Variants in ATP5MC3 observed in about 807,000 individuals in gnomAD.
ATP5MC3 encodes the protein ATP synthase F(0) complex subunit C3, mitochondrial.
Under a neutral mutation model 15.6 loss-of-function variants are expected in ATP5MC3, and 6 were observed. The ratio of observed to expected loss-of-function variants is 0.38; its 90% confidence interval spans 0.21 to 0.76. ATP5MC3 has a LOEUF of 0.76. ATP5MC3 is among the 30% of genes least tolerant of loss of function. The probability of loss-of-function intolerance (pLI) is 0.44; values close to 1 mark genes in which losing one functional copy is unlikely to be tolerated. For missense variants in ATP5MC3, 132 were observed against 171.2 expected (o/e 0.77, Z 1.28); for synonymous variants, 66 against 63.3 (o/e 1.04, Z -0.20).
rs201787994 is a variant in ATP5MC3 at position 175,180,035 on chromosome 2, C to T, written c.120+63G>A. The T allele has an allele frequency of 9.7e-6, 13 of 1,343,656 alleles. No individual in the cohort carries two copies. The East Asian group carries it at 3.0e-4, about 31-fold the overall frequency. 83.2% of individuals were successfully genotyped at this position (1,343,656 alleles called of 1,614,324 possible). ...TTATTAATAAAGTTTTTTTCCTTCA[C>T]TCTAATCAAAACCCTACCCTTATTT... On this transcript the variant is annotated intron_variant, in intron 3 of 4. Coordinates refer to ENST00000284727, the MANE Select transcript of ATP5MC3 (RefSeq NM_001689.5).
At position 175,181,339 on chromosome 2, in the gene ATP5MC3, T is replaced by C. The variant is rs746985380; in HGVS notation, c.39+16A>G. ...GCCCACCCCTCAATCCCCCCGACCC[T>C]GCCTGGGCTACGCACCAGAGAGGGG... On this transcript the variant is annotated intron_variant, in intron 2 of 4. Transcript: ENST00000284727. 6.2e-7 allele frequency: 1 copy of C among 1,612,746 alleles called. No individual in the cohort carries two copies. The highest frequency in any genetic ancestry group is 1.1e-5 in the South Asian group (1 of 90,560).
Position 175,179,248 on chromosome 2 carries a change from G to A in ATP5MC3, c.123C>T (p.Gly41=), listed in dbSNP as rs756463478. 6.2e-7 allele frequency: 1 copy of A among 1,603,514 alleles called. No individual in the cohort carries two copies. The highest frequency in any genetic ancestry group is 1.3e-5 in the African/African-American group (1 of 74,792). ...TCTGGGCCCCATTAAATACCGTAGA[G>A]CCCTGGAAAACAGAAAATAAAGGTA... ...SRPEASRTGE[G]STVFNGAQNG... The change falls in exon 4 of 5, where the codon GGC becomes GGT. Residue 41 remains glycine (G), a splice_region_variant and synonymous_variant. Transcript: ENST00000284727.
intron 2 of ATP5MC3, 75 bp downstream of exon 2, chr2:175,181,280 C>A: frequency 1.3e-6 from 2 of 1,545,786 alleles, no homozygotes; most frequent in Non-Finnish European, 1.8e-6. Context: ...CGAAGGTTGC[C>A]CCATTCAACA....
At position 175,176,360 on chromosome 2, in the gene ATP5MC3, T is replaced by A. The variant is rs1304613172; in HGVS notation, c.*1928A>T. ...AAAATTTTATACTATGTACTTTGTA[T>A]TAAATAGTAGTTTCAGTAAGACATG... On this transcript the variant is annotated 3_prime_UTR_variant, in exon 5 of 5. Coordinates refer to ENST00000284727, the MANE Select transcript of ATP5MC3 (RefSeq NM_001689.5). 2.4e-4 allele frequency: 1 copy of A among 4,182 alleles called. No individual in the cohort carries two copies. Among genetic ancestry groups the A allele is most frequent in the East Asian group, 0.019 (1 of 52 alleles). 0.3% of individuals were successfully genotyped at this position (4,182 alleles called of 1,614,324 possible).
rs1014807218 is a variant in ATP5MC3 at position 175,177,871 on chromosome 2, A to G, written c.*417T>C. On this transcript the variant is annotated 3_prime_UTR_variant, in exon 5 of 5. Transcript: ENST00000284727. ...ACTGATGTTAGACCTTAAAAACTCAAGACCATCTTGAGTATTAACTACCTT... is the reference window on the plus strand; with the variant it reads ...ACTGATGTTAGACCTTAAAAACTCAGGACCATCTTGAGTATTAACTACCTT... 2 of 152,812 alleles carry G rather than the reference A, an allele frequency of 1.3e-5. No individual in the cohort carries two copies. Among genetic ancestry groups the G allele is most frequent in the African/African-American group, 4.8e-5 (2 of 41,466 alleles). 9.5% of individuals were successfully genotyped at this position (152,812 alleles called of 1,614,324 possible).
In ATP5MC3 at chr2:175,178,121, G is replaced by C; in HGVS notation, c.*167C>G. The C allele has an allele frequency of 6.9e-6, 9 of 1,304,438 alleles. No individual in the cohort carries two copies. Among genetic ancestry groups the C allele is most frequent in the Non-Finnish European group, 8.0e-6 (8 of 996,900 alleles). The allele number at this position is 1,304,438 out of a possible 1,614,324, so 80.8% of individuals were successfully genotyped here. On this transcript the variant is annotated 3_prime_UTR_variant, in exon 5 of 5. Coordinates refer to ENST00000284727, the MANE Select transcript of ATP5MC3 (RefSeq NM_001689.5). ...TTCTTTGTGATAATCTAAACTTAGT[G>C]TAAGTACAAATCACAGAAGAAATTA...
intron 3 of ATP5MC3, 31 bp downstream of exon 3, chr2:175,180,067 G>T: frequency 6.6e-7 from 1 of 1,507,370 alleles, no homozygotes; most frequent in South Asian, 1.2e-5. Context: ...ATTTGGTAGT[G>T]TTACCTAATT....
At chr2:175,181,507 G>A (rs1343246026) in intron 1 of ATP5MC3, 41 bp from the exon 2 acceptor site, 7 of 1,336,548 alleles carry the variant, frequency 5.2e-6, no homozygotes, top group Middle Eastern at 2.3e-4. Context: ...GCCCTCCAGG[G>A]GCCTGTTCTT....
rs1700722080 is a variant in ATP5MC3, at chr2:175,178,533, G to T, written c.315-131C>A. 5 of 1,432,342 alleles carry T rather than the reference G, an allele frequency of 3.5e-6. No homozygotes were observed. The African/African-American group carries it at 5.8e-5, about 17-fold the overall frequency. 88.7% of individuals were successfully genotyped at this position (1,432,342 alleles called of 1,614,324 possible). A position where few individuals can be genotyped will look rare whatever the true frequency, so the allele number is the denominator to read the frequency against. ...AGTCTGCTGGAAGAGTATTTGCCTA[G>T]ATCTCTCTTACACTATTCTCCTTCA... On this transcript the variant is annotated intron_variant, in intron 4 of 4. Coordinates refer to ENST00000284727, the MANE Select transcript of ATP5MC3 (RefSeq NM_001689.5).
rs1383907925 is a variant in ATP5MC3, at chr2:175,181,370, G to A, written c.24C>T (p.Ala8=). MFACAKL[A]CTPSLIRAGS... ...GGCTACGCACCAGAGAGGGGGTGCA[G>A]GCGAGCTTGGCGCAGGCGAACATCT... Residue 8 remains alanine, a synonymous_variant, in exon 2 of 5, where the codon GCC becomes GCT. Transcript: ENST00000284727. 5.0e-6 allele frequency: 8 copies of A among 1,613,800 alleles called. No individual in the cohort carries two copies. The highest frequency in any genetic ancestry group is 4.5e-5 in the East Asian group (2 of 44,878).
In ATP5MC3 at chr2:175,180,124, G is replaced by C; in HGVS notation, c.94C>G (p.Arg32Gly). Residue 32 changes from arginine to glycine, a missense_variant, in exon 3 of 5, where the codon CGA becomes GGA. Coordinates refer to ENST00000284727, the MANE Select transcript of ATP5MC3 (RefSeq NM_001689.5). The stretch of plus-strand genomic sequence containing the variant: ...TCTCCAGTCCTACTAGCCTCTGGTC[G>C]AGATAACACTGATGCAGAAATTGGT... ...YRPISASVLS[R>G]PEASRTGEGS... The C allele has an allele frequency of 6.2e-7, 1 of 1,600,324 alleles. No homozygotes were observed. The highest frequency in any genetic ancestry group is 2.3e-5 in the East Asian group (1 of 44,194).
Position 175,177,489 on chromosome 2 carries a change from CT to C in ATP5MC3, c.*798del, listed in dbSNP as rs1029997109. ...AACATAAAGTATTAGCAGCAAAATA[CT>C]GTTGAACCAGCTATCATCCCCAAGA... On this transcript the variant is annotated 3_prime_UTR_variant, in exon 5 of 5. Transcript: ENST00000284727. 3.9e-5 allele frequency: 6 copies of C among 152,166 alleles called. No individual in the cohort carries two copies. The highest frequency in any genetic ancestry group is 1.4e-4 in the African/African-American group (6 of 41,434). 9.4% of individuals were successfully genotyped at this position (152,166 alleles called of 1,614,324 possible).
At chr2:175,180,000 C>T in intron 3 of ATP5MC3, 98 bp downstream of exon 3, 1 of 1,029,546 alleles carries the variant, frequency 9.7e-7, no homozygotes. Context: ...AAAGACTTGC[C>T]CTCAAACTCT....
chr2:175,178,942 A>C (rs1158828802), intron 4 of ATP5MC3, 115 bp downstream of exon 4: 9 of 1,438,324 alleles, frequency 6.3e-6, no homozygotes, highest in Non-Finnish European at 8.3e-6. Context: ...AAGCCCTTTA[A>C]ATATAATGCA....
rs1459216743 is a variant in ATP5MC3 at position 175,176,785 on chromosome 2, C to T, written c.*1503G>A. ...ACTTAGCATGCTTTCTTAGGGTTCA[C>T]TCACATCTATTCATTATGTATCAGT... On this transcript the variant is annotated 3_prime_UTR_variant, in exon 5 of 5. Transcript: ENST00000284727. 1 of 152,176 alleles carries T rather than the reference C, an allele frequency of 6.6e-6. No homozygotes were observed. Among genetic ancestry groups the T allele is most frequent in the Admixed American group, 6.5e-5 (1 of 15,280 alleles). The allele number at this position is 152,176 out of a possible 1,614,324, so 9.4% of individuals were successfully genotyped here.
chr2:175,176,476 CAA>C lies in ATP5MC3; in HGVS notation c.*1810_*1811del, dbSNP rs1700683770. On this transcript the variant is annotated 3_prime_UTR_variant, in exon 5 of 5. Transcript: ENST00000284727. ...TGTGCAACCATCACCACTAATTCAT[CAA>C]ATTTTAATAATCTTTTAATTTTTGA... is the stretch of plus-strand genomic sequence containing the variant. 1 of 152,112 alleles carries C rather than the reference CAA, an allele frequency of 6.6e-6. No individual in the cohort carries two copies. Among genetic ancestry groups the C allele is most frequent in the East Asian group, 1.9e-4 (1 of 5,198 alleles). 9.4% of individuals were successfully genotyped at this position (152,112 alleles called of 1,614,324 possible).
chr2:175,178,552 T>C, intron 4 of ATP5MC3, 150 bp from the exon 5 acceptor site: 1 of 1,386,530 alleles, frequency 7.2e-7, no homozygotes, highest in Non-Finnish European at 9.4e-7. Flanking sequence ...TACACTATTC[T>C]CCTTCAATCC....
Position 175,180,216 on chromosome 2 carries a change from A to C in ATP5MC3, c.40-38T>G, listed in dbSNP as rs934699973. 17 of 1,493,262 alleles carry C rather than the reference A, an allele frequency of 1.1e-5. No individual in the cohort carries two copies. In the African/African-American group the frequency reaches 2.3e-4, roughly 20 times the overall value. 92.5% of individuals were successfully genotyped at this position (1,493,262 alleles called of 1,614,324 possible). A position where few individuals can be genotyped will look rare whatever the true frequency, so the allele number is the denominator to read the frequency against. ...AAAAAATAAAGATTTCAATATTAAG[A>C]AAGAATACAGGTAAGACTTCAATGA... On this transcript the variant is annotated intron_variant, in intron 2 of 4. Coordinates refer to ENST00000284727, the MANE Select transcript of ATP5MC3 (RefSeq NM_001689.5).
In ATP5MC3 at chr2:175,177,307, C is replaced by T. The variant is rs1440812732; in HGVS notation, c.*981G>A. 6.6e-6 allele frequency: 1 copy of T among 152,050 alleles called. No individual in the cohort carries two copies. Among genetic ancestry groups the T allele is most frequent in the African/African-American group, 2.4e-5 (1 of 41,404 alleles). The allele number at this position is 152,050 out of a possible 1,614,324, so 9.4% of individuals were successfully genotyped here. A position where few individuals can be genotyped will look rare whatever the true frequency, so the allele number is the denominator to read the frequency against. On this transcript the variant is annotated 3_prime_UTR_variant, in exon 5 of 5. Transcript: ENST00000284727. ...ATGGAAATCAAACAGGCAAAGGGCA[C>T]TAAGAAAAGTAAAATGTCACTTTCC...
Sources: allele counts gnomAD v4.1 joint callset, GRCh38; gene constraint gnomAD v4.1.1; transcripts MANE v1.5; gene names NCBI Gene and HGNC (gene_info 2026-07-23, HGNC 2026-07-21).